Variants in CNTN5 observed in about 807,000 individuals in gnomAD.
CNTN5 encodes contactin 5.
Under a neutral mutation model 129.1 loss-of-function variants are expected in CNTN5, and 77 were observed. That is an observed-to-expected ratio of 0.60 (90% CI 0.50 to 0.72). The LOEUF (loss-of-function observed/expected upper bound fraction) is 0.72. CNTN5 is among the 30% of genes least tolerant of loss of function. The pLI is 0.00. For missense variants in CNTN5, 1,478 were observed against 1,328.8 expected (o/e 1.11, Z -1.75); for synonymous variants, 509 against 465.6 (o/e 1.09, Z -1.20).
At chr11:99,476,917 C>T (rs1216414154) in intron 2 of CNTN5, among the ~76,000 whole-genome samples, 5 of 151,882 alleles carry the variant, frequency 3.3e-5, no homozygotes, top group Admixed American at 2.6e-4. Flanking sequence ...TTCCCGTTTC[C>T]TAAGTGAGAT....
intron 13 of CNTN5, among the ~76,000 whole-genome samples, chr11:100,114,052 C>A (rs1945758079): frequency 6.6e-6 from 1 of 152,020 alleles, no homozygotes; most frequent in African/African-American, 2.4e-5. Context: ...ATGTAAGTAT[C>A]TTATTCTACC....
At chr11:99,324,235 T>C in intron 1 of CNTN5, among the ~76,000 whole-genome samples, 1 of 152,188 alleles carries the variant, frequency 6.6e-6, no homozygotes, top group East Asian at 1.9e-4. Context: ...ATATGTACCT[T>C]AGGTTTCCCT....
intron 2 of CNTN5, among the ~76,000 whole-genome samples, chr11:99,461,044 C>G (rs1447450483): frequency 2.0e-5 from 3 of 152,032 alleles, no homozygotes; most frequent in Non-Finnish European, 4.4e-5. Context: ...GAATATTACT[C>G]AGCAATAAAG....
At chr11:100,340,420 G>A in intron 21 of CNTN5, 43 bp from the exon 22 acceptor site, 1 of 1,465,318 alleles carries the variant, frequency 6.8e-7, no homozygotes, top group South Asian at 1.3e-5. Flanking sequence ...CAAGCACAGA[G>A]GAAGCTTTAA....
chr11:99,361,238 C>CA (rs1939089437), intron 2 of CNTN5, among the ~76,000 whole-genome samples: 1 of 152,160 alleles, frequency 6.6e-6, no homozygotes, highest in Non-Finnish European at 1.5e-5. Flanking sequence ...TCTGTACCCT[C>CA]ACCAGAAGCA....
At chr11:99,077,897 C>A (rs1369284830) in intron 1 of CNTN5, among the ~76,000 whole-genome samples, 1 of 152,116 alleles carries the variant, frequency 6.6e-6, no homozygotes, top group Non-Finnish European at 1.5e-5. Flanking sequence ...GTCAATTGAA[C>A]CTCTTTCCTT....
intron 17 of CNTN5, among the ~76,000 whole-genome samples, chr11:100,268,472 T>C (rs181994674): frequency 7.2e-4 from 110 of 152,074 alleles, no homozygotes; most frequent in African/African-American, 1.9e-3. Flanking sequence ...ACCAAAATAA[T>C]GTCATGCCAT....
chr11:99,292,241 A>G (rs957204150), intron 1 of CNTN5, among the ~76,000 whole-genome samples: 1 of 120,348 alleles, frequency 8.3e-6, no homozygotes, highest in African/African-American at 3.2e-5. Context: ...TATATATAAA[A>G]GCTTACAAAG....
intron 3 of CNTN5, among the ~76,000 whole-genome samples, chr11:99,793,553 G>A (rs1945830074): frequency 6.6e-6 from 1 of 152,152 alleles, no homozygotes; most frequent in East Asian, 1.9e-4. Context: ...TCAGGGATGT[G>A]TTTCATTTTT....
chr11:99,821,784 C>A (rs1946809660), intron 4 of CNTN5, among the ~76,000 whole-genome samples: 1 of 152,112 alleles, frequency 6.6e-6, no homozygotes, highest in South Asian at 2.1e-4. Context: ...TTACAAAAAG[C>A]TCCCAGGTGA....
intron 2 of CNTN5, among the ~76,000 whole-genome samples, chr11:99,508,625 C>G (rs976123279): frequency 2.6e-5 from 4 of 151,900 alleles, no homozygotes; most frequent in African/African-American, 9.7e-5. Context: ...AAAACGTAGG[C>G]TTTTATATCA....
intron 2 of CNTN5, among the ~76,000 whole-genome samples, chr11:99,452,108 T>C (rs1044124407): frequency 2.0e-5 from 3 of 152,124 alleles, no homozygotes; most frequent in South Asian, 2.1e-4. Flanking sequence ...AATTCAAAAT[T>C]CCTTGAATTT....
intron 3 of CNTN5, among the ~76,000 whole-genome samples, chr11:99,795,112 G>A (rs1400165332): frequency 6.6e-6 from 1 of 152,120 alleles, no homozygotes; most frequent in Non-Finnish European, 1.5e-5. Flanking sequence ...TGGAGGTATT[G>A]TTCATTCTTC....
intron 2 of CNTN5, among the ~76,000 whole-genome samples, chr11:99,455,639 A>C (rs911483041): frequency 9.2e-5 from 14 of 152,128 alleles, no homozygotes; most frequent in Non-Finnish European, 1.5e-5. Flanking sequence ...AAGTCACTTT[A>C]ATCTTCCTTT....
At chr11:100,327,462 C>T (rs1951812852) in intron 21 of CNTN5, among the ~76,000 whole-genome samples, 1 of 152,216 alleles carries the variant, frequency 6.6e-6, no homozygotes, top group South Asian at 2.1e-4. Flanking sequence ...TTCAATGTAA[C>T]TGTCTCTGCC....
chr11:99,693,517 T>C (rs750124975), intron 3 of CNTN5, among the ~76,000 whole-genome samples: 4 of 151,776 alleles, frequency 2.6e-5, no homozygotes, highest in Non-Finnish European at 5.9e-5. Context: ...AAATGAGGCA[T>C]GACAAGCAGA....
intron 3 of CNTN5, among the ~76,000 whole-genome samples, chr11:99,723,384 A>T (rs1255271707): frequency 2.6e-5 from 4 of 152,114 alleles, no homozygotes; most frequent in African/African-American, 9.7e-5. Context: ...AGGCAAGCAC[A>T]CTATATTCCC....
At chr11:99,045,169 A>T (rs967963158) in intron 1 of CNTN5, among the ~76,000 whole-genome samples, 1 of 152,218 alleles carries the variant, frequency 6.6e-6, no homozygotes, top group Non-Finnish European at 1.5e-5. Context: ...GCCACATCTA[A>T]GAAGGAAGAT....
intron 21 of CNTN5, chr11:100,337,358 A>G (rs1952057417): frequency 8.5e-6 from 7 of 822,418 alleles, no homozygotes; most frequent in Non-Finnish European, 1.5e-5. Flanking sequence ...ACACATGATC[A>G]CAAAGCGAAC....
Sources: allele counts gnomAD v4.1 joint callset (sites outside exome capture counted in the v4.1 genomes callset), GRCh38; gene constraint gnomAD v4.1.1; transcripts MANE v1.5; gene names NCBI Gene and HGNC (gene_info 2026-07-23, HGNC 2026-07-21).